Variants in ABHD2 observed in about 807,000 individuals in gnomAD.
The protein encoded by ABHD2 is abhydrolase domain containing 2, acylglycerol lipase.
ABHD2 carries 20 observed loss-of-function variants against 48.1 expected under a neutral mutation model. The ratio of observed to expected loss-of-function variants is 0.42; its 90% CI spans 0.29 to 0.60. The LOEUF is 0.60. Ranked by LOEUF, ABHD2 falls within the 20% of genes least tolerant of loss-of-function variation. The pLI, the probability that ABHD2 is intolerant of heterozygous loss-of-function variation, is 0.24. For synonymous variants in ABHD2, 209 were observed against 214.2 expected (o/e 0.98, Z 0.21); for missense variants, 405 against 550.9 (o/e 0.74, Z 2.65).
At chr15:89,072,157 C>T in the ABHD2 span, among the ~76,000 whole-genome samples, 2 of 152,070 alleles carry the variant, frequency 1.3e-5, no homozygotes, top group African/African-American at 4.8e-5. Flanking sequence ...TAGCTGACCT[C>T]GATGGATATG....
At chr15:89,083,150 C>T (rs1048160075), upstream of ABHD2, among the ~76,000 whole-genome samples, 5 of 152,048 alleles carry the variant, frequency 3.3e-5, no homozygotes, top group Non-Finnish European at 5.9e-5. The surrounding 1 kb of genome is among the most constrained non-coding windows in gnomAD (Gnocchi z 5.1). Context: ...CCACTGTGCC[C>T]GGCCTGTTTT....
rs981926415 is a variant in ABHD2, at chr15:89,174,226, C to T, written c.539-1586C>T. 3.9e-5 allele frequency among the ~76,000 whole-genome samples: 6 copies of T among 152,074 alleles called. No homozygotes were observed. Among genetic ancestry groups the T allele is most frequent in the African/African-American group, 1.4e-4 (6 of 41,398 alleles). ...CATATTGTAAAGGGAAAAAAAGAGCCACCGAACAATGTGTATGTTACCACT... is the reference window on the plus strand; with the variant it reads ...CATATTGTAAAGGGAAAAAAAGAGCTACCGAACAATGTGTATGTTACCACT... On this transcript the variant is annotated intron_variant, in intron 5 of 10. Coordinates refer to ENST00000352732, the MANE Select transcript of ABHD2 (RefSeq NM_152924.5). The surrounding 1 kb of genome is among the most constrained non-coding windows in gnomAD (Gnocchi z 4.1).
intron 1 of ABHD2, among the ~76,000 whole-genome samples, chr15:89,089,114 C>T (rs539143546): frequency 2.6e-5 from 4 of 152,256 alleles, no homozygotes; most frequent in African/African-American, 9.6e-5. Flanking sequence ...CTAGGCCCTT[C>T]GTGAGCTTTT....
At chr15:89,160,807 C>T (rs1489685690) in intron 5 of ABHD2, among the ~76,000 whole-genome samples, 9 of 152,142 alleles carry the variant, frequency 5.9e-5, no homozygotes, top group Admixed American at 5.9e-4. Flanking sequence ...CACTCCTGGT[C>T]ACACTTTATT....
chr15:89,065,745 A>G, the ABHD2 span, among the ~76,000 whole-genome samples: 1 of 152,138 alleles, frequency 6.6e-6, no homozygotes, highest in African/African-American at 2.4e-5. Flanking sequence ...ATCTTCAAGC[A>G]TGTGCTAACT....
At chr15:89,126,336 C>T (rs1398324830) in intron 3 of ABHD2, among the ~76,000 whole-genome samples, 2 of 152,314 alleles carry the variant, frequency 1.3e-5, no homozygotes, top group South Asian at 2.1e-4. Flanking sequence ...GCTTACACCT[C>T]ATTTGCTTTA....
rs1567119420 is a variant in ABHD2, at chr15:89,202,204, C to G, written c.*6781C>G. 1 of 159,044 alleles carries G rather than the reference C, an allele frequency of 6.3e-6. No homozygotes were observed. The highest frequency in any genetic ancestry group is 1.4e-5 in the Non-Finnish European group (1 of 72,648). The allele number at this position is 159,044 out of a possible 1,614,324, so 9.9% of individuals were successfully genotyped here. On this transcript the variant is annotated 3_prime_UTR_variant, in exon 11 of 11. Transcript: ENST00000352732. The stretch of plus-strand genomic sequence containing the variant: ...ACCTTTATTAAGAAATTATACTAAA[C>G]ATTGATGTCCTTGATCATTTTATGT...
At chr15:89,121,435 A>G (rs1240818379) in intron 3 of ABHD2, among the ~76,000 whole-genome samples, 1 of 150,018 alleles carries the variant, frequency 6.7e-6, no homozygotes, top group Non-Finnish European at 1.5e-5. Context: ...ACTCCTGGAC[A>G]GGCTGGCACT....
intron 5 of ABHD2, among the ~76,000 whole-genome samples, chr15:89,160,360 T>G (rs1426721344): frequency 6.6e-6 from 1 of 152,236 alleles, no homozygotes; most frequent in Non-Finnish European, 1.5e-5. Context: ...CAAAGATCTT[T>G]GTCAACTTTT....
the ABHD2 span, among the ~76,000 whole-genome samples, chr15:89,053,486 C>T: frequency 0.015 from 2,349 of 152,266 alleles, 61 homozygotes; most frequent in African/African-American, 0.054. Context: ...TGAGCAGTGC[C>T]CTCTAACATG....
chr15:89,080,556 C>T, the ABHD2 span, among the ~76,000 whole-genome samples: 1 of 152,150 alleles, frequency 6.6e-6, no homozygotes, highest in African/African-American at 2.4e-5. Flanking sequence ...ATGTACAAGA[C>T]AGGAGCAATT....
rs1400243385 is a variant in ABHD2 at position 89,177,406 on chromosome 15, G to A, written c.722+1411G>A. 6.6e-6 allele frequency among the ~76,000 whole-genome samples: 1 copy of A among 152,196 alleles called. No homozygotes were observed. Among genetic ancestry groups the A allele is most frequent in the East Asian group, 1.9e-4 (1 of 5,206 alleles). The stretch of plus-strand genomic sequence containing the variant: ...ACTAGTGACTGCCTCACTTCATAAG[G>A]AATCACTTGGAGGATCATGTTAGAA... On this transcript the variant is annotated intron_variant, in intron 6 of 10. Transcript: ENST00000352732. The surrounding 1 kb of genome is among the most constrained non-coding windows in gnomAD (Gnocchi z 5.6).
chr15:89,185,426 C>A lies in ABHD2; in HGVS notation c.725C>A (p.Ala242Asp). The A allele has an allele frequency of 6.2e-7, 1 of 1,614,038 alleles. No individual in the cohort carries two copies. Among genetic ancestry groups the A allele is most frequent in the Non-Finnish European group, 8.5e-7 (1 of 1,179,938 alleles). Residue 242 changes from alanine (A) to aspartate (D), a missense_variant and splice_region_variant, in exon 7 of 11, where the codon GCC becomes GAC. Physicochemically the swap from Ala to Asp is moderately radical, Grantham distance 126. Coordinates refer to ENST00000352732, the MANE Select transcript of ABHD2 (RefSeq NM_152924.5). The surrounding 1 kb of genome is among the most constrained non-coding windows in gnomAD (Gnocchi z 5.9). The stretch of plus-strand genomic sequence containing the variant: ...CTCACTCGCTGTGGTTCTTCCAGGG[C>A]CCAGGAAACCTTCATGCAATGGGAT... ...SVCQGYSALR[A>D]QETFMQWDQC...
intron 3 of ABHD2, among the ~76,000 whole-genome samples, chr15:89,142,627 G>A (rs1030530164): frequency 3.3e-5 from 5 of 152,150 alleles, no homozygotes; most frequent in African/African-American, 1.2e-4. Context: ...TTAAGGAGGA[G>A]AAGCCAGACT....
At chr15:89,051,375 G>T in the ABHD2 span, among the ~76,000 whole-genome samples, 1 of 152,212 alleles carries the variant, frequency 6.6e-6, no homozygotes, top group Non-Finnish European at 1.5e-5. Context: ...AGAATCCTAA[G>T]ATTTTGTAAG....
chr15:89,046,799 T>C, the ABHD2 span, among the ~76,000 whole-genome samples: 3 of 152,198 alleles, frequency 2.0e-5, no homozygotes, highest in African/African-American at 7.2e-5. Context: ...TTTTTTCTTA[T>C]TAGTCTTGCT....
intron 9 of ABHD2, among the ~76,000 whole-genome samples, chr15:89,191,504 A>T (rs1292055240): frequency 6.6e-6 from 1 of 152,102 alleles, no homozygotes; most frequent in African/African-American, 2.4e-5. Context: ...TCTTTTGGCC[A>T]TTCTGTATTT....
chr15:89,172,699 T>C (rs2050949597), intron 5 of ABHD2, among the ~76,000 whole-genome samples: 1 of 152,226 alleles, frequency 6.6e-6, no homozygotes, highest in Non-Finnish European at 1.5e-5. Flanking sequence ...TATCACTTTA[T>C]TCACATCTCT....
intron 1 of ABHD2, among the ~76,000 whole-genome samples, chr15:89,107,874 C>A (rs896079038): frequency 6.6e-6 from 1 of 152,150 alleles, no homozygotes; most frequent in East Asian, 1.9e-4. Flanking sequence ...GAGATCTCCC[C>A]CTCCCCCAGC....
Sources: allele counts gnomAD v4.1 joint callset (sites outside exome capture counted in the v4.1 genomes callset), GRCh38; gene constraint gnomAD v4.1.1; non-coding constraint Gnocchi (gnomAD v3.1); transcripts MANE v1.5; gene names NCBI Gene and HGNC (gene_info 2026-07-23, HGNC 2026-07-21).